SPTLC3: variants seen among roughly 807,000 people sequenced by gnomAD.
The protein encoded by SPTLC3 is serine palmitoyltransferase long chain base subunit 3.
SPTLC3 carries 36 observed loss-of-function variants against 59.3 expected under a neutral mutation model. The ratio of observed to expected loss-of-function variants is 0.61; its 90% confidence interval spans 0.47 to 0.80. SPTLC3 has a LOEUF of 0.80. SPTLC3 is among the 30% of genes least tolerant of loss of function. The pLI is 0.00. For synonymous variants in SPTLC3, 257 were observed against 240.8 expected (o/e 1.07, Z -0.62); for missense variants, 625 against 685.1 (o/e 0.91, Z 0.98).
chr20:13,071,159 G>A (rs1488236439), intron 2 of SPTLC3, among the ~76,000 whole-genome samples: 2 of 152,210 alleles, frequency 1.3e-5, no homozygotes, highest in Non-Finnish European at 2.9e-5. Flanking sequence ...TCTTGAGGCT[G>A]CAGCATTCAT....
chr20:13,052,247 G>C (rs1987526176), intron 2 of SPTLC3, among the ~76,000 whole-genome samples: 1 of 152,150 alleles, frequency 6.6e-6, no homozygotes, highest in South Asian at 2.1e-4. Flanking sequence ...GTGCGGCACT[G>C]CCTCACCTGG....
chr20:13,164,934 A>T lies in SPTLC3; in HGVS notation c.*67A>T. The T allele has an allele frequency of 7.6e-7, 1 of 1,309,974 alleles. No homozygotes were observed. 81.1% of individuals were successfully genotyped at this position (1,309,974 alleles called of 1,614,324 possible). A position where few individuals can be genotyped will look rare whatever the true frequency, so the allele number is the denominator to read the frequency against. ...GACCTCCCTCCTTGCCTCACAAGGAATATAAATGGATTTCTCCCCCTTCCT... is the reference window on the plus strand; with the variant it reads ...GACCTCCCTCCTTGCCTCACAAGGATTATAAATGGATTTCTCCCCCTTCCT... On this transcript the variant is annotated 3_prime_UTR_variant, in exon 12 of 12. Transcript: ENST00000399002.
intron 1 of SPTLC3, among the ~76,000 whole-genome samples, chr20:13,026,667 T>C (rs1212438422): frequency 6.6e-6 from 1 of 152,144 alleles, no homozygotes; most frequent in Non-Finnish European, 1.5e-5. Flanking sequence ...AAATTAAGGT[T>C]AGGTGCGAAC....
chr20:13,139,520 A>G (rs1414592210), intron 9 of SPTLC3, among the ~76,000 whole-genome samples: 1 of 152,170 alleles, frequency 6.6e-6, no homozygotes, highest in African/African-American at 2.4e-5. Context: ...AAAGTTGCTG[A>G]CAAAGGGGTA....
At chr20:13,089,794 A>C (rs1989148292) in intron 4 of SPTLC3, among the ~76,000 whole-genome samples, 1 of 147,460 alleles carries the variant, frequency 6.8e-6, no homozygotes, top group Non-Finnish European at 1.5e-5. Flanking sequence ...TCAAAAAAAA[A>C]AAAAAAAAAA....
At chr20:13,153,918 C>G (rs1275295238) in intron 9 of SPTLC3, 85 bp from the exon 10 acceptor site, 1 of 1,554,616 alleles carries the variant, frequency 6.4e-7, no homozygotes, top group Non-Finnish European at 8.7e-7. Context: ...TGCAGAAAGA[C>G]TTAAAGATGC....
At chr20:13,148,455 G>C (rs1227799425) in intron 9 of SPTLC3, among the ~76,000 whole-genome samples, 1 of 152,184 alleles carries the variant, frequency 6.6e-6, no homozygotes, top group Non-Finnish European at 1.5e-5. Context: ...CTTAAGATGA[G>C]TGAAAGCTTC....
rs745918729 is a variant in SPTLC3, at chr20:13,159,981, T to G, written c.1416-22T>G. The stretch of plus-strand genomic sequence containing the variant: ...TTCCCAACTAACCACTTTTTTTTTT[T>G]CTTTTTTTGCTTTTCCTTAAGGGCT... On this transcript the variant is annotated intron_variant, in intron 10 of 11. Transcript: ENST00000399002. 1.4e-5 allele frequency: 22 copies of G among 1,523,380 alleles called. 1 individual carries two copies. The South Asian group carries it at 2.9e-4, about 20-fold the overall frequency. 94.4% of individuals were successfully genotyped at this position (1,523,380 alleles called of 1,614,324 possible).
intron 1 of SPTLC3, among the ~76,000 whole-genome samples, chr20:13,032,569 C>T (rs767916279): frequency 6.6e-6 from 1 of 152,188 alleles, no homozygotes; most frequent in African/African-American, 2.4e-5. Context: ...TTTCCACCCA[C>T]CAATGGGTGC....
Position 13,164,852 on chromosome 20 carries a change from T to C in SPTLC3, c.1644T>C (p.Phe548=), listed in dbSNP as rs1250227594. The change falls in exon 12 of 12, where the codon TTT becomes TTC. Residue 548 remains phenylalanine, a synonymous_variant. Transcript: ENST00000399002. ...CTGAGCTCTATGATGAGACGAGCTT[T>C]GAACTCGAAGATTAAGTTTCCTGGT... ...ARPELYDETS[F]ELED The C allele has an allele frequency of 1.2e-6, 2 of 1,613,254 alleles. No individual in the cohort carries two copies. Among genetic ancestry groups the C allele is most frequent in the Non-Finnish European group, 1.7e-6 (2 of 1,179,578 alleles).
intron 2 of SPTLC3, among the ~76,000 whole-genome samples, chr20:13,061,858 T>C (rs1987990453): frequency 1.3e-5 from 2 of 152,284 alleles, no homozygotes; most frequent in East Asian, 3.9e-4. Context: ...CAATGTGATG[T>C]TTAAAATCCT....
At chr20:13,103,674 G>A (rs1384138079) in intron 6 of SPTLC3, among the ~76,000 whole-genome samples, 1 of 152,208 alleles carries the variant, frequency 6.6e-6, no homozygotes, top group Non-Finnish European at 1.5e-5. Flanking sequence ...CTGAGTTTCA[G>A]CCCCAATCTC....
intron 9 of SPTLC3, among the ~76,000 whole-genome samples, chr20:13,152,142 A>T (rs6041907): frequency 6.6e-6 from 1 of 152,146 alleles, no homozygotes; most frequent in Non-Finnish European, 1.5e-5. Context: ...CTAGAATCCA[A>T]TTCTGGCTTG....
At chr20:13,115,173 T>G (rs1290534384) in intron 7 of SPTLC3, among the ~76,000 whole-genome samples, 1 of 152,202 alleles carries the variant, frequency 6.6e-6, no homozygotes, top group Non-Finnish European at 1.5e-5. Context: ...ATAACATAGA[T>G]AGCCTTTTTA....
chr20:13,017,611 G>A (rs55646676), intron 1 of SPTLC3, among the ~76,000 whole-genome samples: 30,988 of 152,110 alleles, frequency 0.2, 3,686 homozygotes, highest in South Asian at 0.38. Flanking sequence ...AAAACATTAT[G>A]AGATCTTTTT....
intron 2 of SPTLC3, among the ~76,000 whole-genome samples, chr20:13,058,558 T>C (rs1403375713): frequency 6.6e-6 from 1 of 152,218 alleles, no homozygotes; most frequent in Non-Finnish European, 1.5e-5. Flanking sequence ...TGCTTTGTGA[T>C]GCAGCCTTGG....
intron 2 of SPTLC3, among the ~76,000 whole-genome samples, chr20:13,055,630 G>A (rs1032850393): frequency 4.6e-5 from 7 of 152,232 alleles, no homozygotes; most frequent in Middle Eastern, 3.4e-3. Flanking sequence ...AAACTAGCAG[G>A]TCTAATCTTC....
rs181001866 is a variant in SPTLC3 at position 13,168,877 on chromosome 20, T to C, written c.*4010T>C. 6.6e-6 allele frequency: 1 copy of C among 151,938 alleles called. No homozygotes were observed. The highest frequency in any genetic ancestry group is 1.5e-5 in the Non-Finnish European group (1 of 68,012). The allele number at this position is 151,938 out of a possible 1,614,324, so 9.4% of individuals were successfully genotyped here. ...GCATAATGTTTAGAAAATTAAAGAG[T>C]CTGTATTTTAAATATTTTTAGGTAA... On this transcript the variant is annotated 3_prime_UTR_variant, in exon 12 of 12. Transcript: ENST00000399002.
rs1482356073 is a variant in SPTLC3 at position 13,039,834 on chromosome 20, C to A, written c.118-9111C>A. Among the ~76,000 whole-genome samples the A allele has an allele frequency of 5.9e-5, 9 of 151,984 alleles. No individual in the cohort carries two copies. In the East Asian group the frequency reaches 1.7e-3, roughly 29 times the overall value. The stretch of plus-strand genomic sequence containing the variant: ...CATATGTTAATGTACCAAAATCAAC[C>A]GCAAATTTATACAAACTTAAATCCA... On this transcript the variant is annotated intron_variant, in intron 1 of 11. Coordinates refer to ENST00000399002, the MANE Select transcript of SPTLC3 (RefSeq NM_018327.4).
Sources: gnomAD v4.1 joint callset for allele counts (sites outside exome capture counted in the v4.1 genomes callset) on GRCh38, gnomAD v4.1.1 for gene constraint, MANE v1.5 for transcripts, NCBI Gene and HGNC (gene_info 2026-07-23, HGNC 2026-07-21) for gene names.